Variants in C12orf42 observed in about 807,000 individuals in gnomAD.
The protein encoded by C12orf42 is uncharacterized protein C12orf42.
In C12orf42, 25 loss-of-function variants were observed where a neutral mutation model predicts 21.6. The ratio of observed to expected loss-of-function variants is 1.16; its 90% CI spans 0.84 to 1.62. The LOEUF is 1.62. Ranked by LOEUF, C12orf42 falls within the 40% of genes most tolerant of loss-of-function variation. The pLI is 0.00. For missense variants in C12orf42, 483 were observed against 459.3 expected (o/e 1.05, Z -0.47); for synonymous variants, 174 against 175.0 (o/e 0.99, Z 0.05).
chr12:103,255,458 T>A (rs561954906), intron 10 of C12orf42, among the ~76,000 whole-genome samples: 1 of 152,336 alleles, frequency 6.6e-6, no homozygotes, highest in African/African-American at 2.4e-5. Context: ...ATTTAAATTT[T>A]AGATTTGTTT....
chr12:103,481,845 T>TTTTTTC (rs1306854664), intron 1 of C12orf42, among the ~76,000 whole-genome samples: 1 of 151,788 alleles, frequency 6.6e-6, no homozygotes. Context: ...GACTAAATTA[T>TTTTTTC]TTTTTCTTTT....
At chr12:103,549,285 G>A in the C12orf42 span, among the ~76,000 whole-genome samples, 2 of 152,050 alleles carry the variant, frequency 1.3e-5, no homozygotes, top group Admixed American at 6.6e-5. Flanking sequence ...TTAAACAATT[G>A]TAGATACATT....
chr12:103,304,297 C>G (rs1282327168), intron 5 of C12orf42, among the ~76,000 whole-genome samples: 1 of 151,874 alleles, frequency 6.6e-6, no homozygotes, highest in Non-Finnish European at 1.5e-5. Flanking sequence ...TATTCTAGAC[C>G]TTGGGGATAC....
At chr12:103,420,469 C>T (rs1593930724) in intron 2 of C12orf42, among the ~76,000 whole-genome samples, 1 of 152,296 alleles carries the variant, frequency 6.6e-6, no homozygotes, top group East Asian at 1.9e-4. Flanking sequence ...CCCTTTACTG[C>T]TCATCAATTG....
the C12orf42 span, among the ~76,000 whole-genome samples, chr12:103,151,205 G>A: frequency 9.9e-5 from 15 of 152,120 alleles, no homozygotes; most frequent in Admixed American, 9.8e-4. Flanking sequence ...GGCATTACAG[G>A]CGTGAGCCAC....
intron 2 of C12orf42, among the ~76,000 whole-genome samples, chr12:103,423,475 A>G (rs1032042502): frequency 1.3e-5 from 2 of 152,246 alleles, no homozygotes; most frequent in Non-Finnish European, 2.9e-5. Context: ...TCTTTAAGAT[A>G]AGTGGGTTTT....
At chr12:103,087,801 G>A in the C12orf42 span, among the ~76,000 whole-genome samples, 2 of 152,176 alleles carry the variant, frequency 1.3e-5, no homozygotes, top group Non-Finnish European at 2.9e-5. Context: ...TCTAATATTA[G>A]TGCACCATTT....
intron 3 of C12orf42, among the ~76,000 whole-genome samples, chr12:103,375,563 T>A (rs1014954316): frequency 2.0e-5 from 3 of 152,276 alleles, no homozygotes; most frequent in Middle Eastern, 3.4e-3. Flanking sequence ...AATTAGGATA[T>A]CACATAGCAA....
intron 10 of C12orf42, among the ~76,000 whole-genome samples, chr12:103,240,012 TCTA>T (rs2033657146): frequency 6.6e-6 from 1 of 152,176 alleles, no homozygotes; most frequent in Non-Finnish European, 1.5e-5. Flanking sequence ...TTATAGAACT[TCTA>T]CTATGGGCAA....
the C12orf42 span, among the ~76,000 whole-genome samples, chr12:103,510,793 A>G: frequency 6.6e-6 from 1 of 152,314 alleles, no homozygotes; most frequent in African/African-American, 2.4e-5. Context: ...ATGATCTTAT[A>G]TCTTACCCCT....
chr12:103,477,307 C>A (rs1349612405), intron 2 of C12orf42, among the ~76,000 whole-genome samples: 1 of 152,032 alleles, frequency 6.6e-6, no homozygotes, highest in African/African-American at 2.4e-5. Flanking sequence ...CCATAAGAAT[C>A]TCTCGGTGAA....
intron 3 of C12orf42, among the ~76,000 whole-genome samples, chr12:103,385,530 T>G (rs988391223): frequency 6.6e-6 from 1 of 151,914 alleles, no homozygotes; most frequent in African/African-American, 2.4e-5. Context: ...TAGTAGCATA[T>G]GAAAGCTTCG....
chr12:103,365,724 C>A (rs970826293), intron 4 of C12orf42, among the ~76,000 whole-genome samples: 6 of 151,846 alleles, frequency 4.0e-5, no homozygotes, highest in African/African-American at 7.2e-5. Context: ...ACCCTTTTTA[C>A]AGTAGTTGCA....
At chr12:103,535,949 C>T in the C12orf42 span, among the ~76,000 whole-genome samples, 37,541 of 152,012 alleles carry the variant, frequency 0.25, 4,771 homozygotes, top group East Asian at 0.41. Context: ...CAACAAATTA[C>T]TTTTTATTAT....
intron 2 of C12orf42, among the ~76,000 whole-genome samples, chr12:103,409,906 T>C (rs1593871970): frequency 6.6e-6 from 1 of 152,356 alleles, no homozygotes; most frequent in Non-Finnish European, 1.5e-5. Context: ...ATGTGTTTTA[T>C]GAAACCAGGC....
In C12orf42 at chr12:103,397,545, G is replaced by A. The variant is rs185952024; in HGVS notation, c.147+4062C>T. On this transcript the variant is annotated intron_variant, in intron 3 of 5. Coordinates refer to ENST00000548883, the MANE Select transcript of C12orf42 (RefSeq NM_198521.5). ...TAATTAATGTCTGATGATCTTCTAA[G>A]GTGGAAGAGTTTCATCCAGAAACCA... Among the ~76,000 whole-genome samples the A allele has an allele frequency of 3.4e-3, 518 of 152,294 alleles. 1 individual carries two copies. Among genetic ancestry groups the A allele is most frequent in the Admixed American group, 5.5e-3 (84 of 15,298 alleles).
At chr12:103,262,191 T>C (rs1305537452) in intron 10 of C12orf42, 1 of 152,226 alleles carries the variant, frequency 6.6e-6, no homozygotes, top group Non-Finnish European at 1.5e-5. Flanking sequence ...CTTACAATTA[T>C]TTGTACCTTT....
chr12:103,146,584 G>GAAAGAAAGAAAGAAAGAAAGAAAGAA, the C12orf42 span, among the ~76,000 whole-genome samples: 2 of 148,490 alleles, frequency 1.3e-5, no homozygotes, highest in African/African-American at 5.0e-5. Context: ...AAGAAAGAAA[G>GAAAGAAAGAAAGAAAGAAAGAAAGAA]AAAGAAAGAA....
the C12orf42 span, among the ~76,000 whole-genome samples, chr12:103,512,321 G>A: frequency 6.6e-6 from 1 of 152,098 alleles, no homozygotes; most frequent in African/African-American, 2.4e-5. Flanking sequence ...TGGGTGGGTG[G>A]GGTGTTGAAA....
Sources: gnomAD v4.1 joint callset for allele counts (sites outside exome capture counted in the v4.1 genomes callset) on GRCh38, gnomAD v4.1.1 for gene constraint, MANE v1.5 for transcripts, NCBI Gene and HGNC (gene_info 2026-07-23, HGNC 2026-07-21) for gene names.